The following HS3ST4 variants were observed in gnomAD, a reference collection of about 807,000 sequenced individuals.
HS3ST4 encodes heparan sulfate glucosamine 3-O-sulfotransferase 4.
HS3ST4 carries 17 observed loss-of-function variants against 29.2 expected under a neutral mutation model. That is an observed-to-expected ratio of 0.58 (90% CI 0.40 to 0.87). HS3ST4 has a LOEUF of 0.87. Ranked by LOEUF, HS3ST4 falls within the 40% of genes least tolerant of loss-of-function variation. The pLI is 0.00. For synonymous variants in HS3ST4, 314 were observed against 285.7 expected, an observed-to-expected ratio of 1.10 and a Z score of -1.00; for missense variants, 627 against 634.5, an observed-to-expected ratio of 0.99 and a Z score of 0.13.
At chr16:26,083,557 A>G (rs1051448805) in intron 1 of HS3ST4, among the ~76,000 whole-genome samples, 36 of 152,188 alleles carry the variant, frequency 2.4e-4, no homozygotes, top group African/African-American at 8.7e-4. Context: ...CAGCTACTCA[A>G]TTCTTCTGGT....
At chr16:25,968,968 T>G (rs1968871022) in intron 1 of HS3ST4, among the ~76,000 whole-genome samples, 1 of 152,116 alleles carries the variant, frequency 6.6e-6, no homozygotes, top group Non-Finnish European at 1.5e-5. Context: ...TACAGGTGCA[T>G]GCCAAGACAT....
chr16:25,767,241 G>A (rs769807296), intron 1 of HS3ST4, among the ~76,000 whole-genome samples: 33 of 152,152 alleles, frequency 2.2e-4, no homozygotes, highest in Non-Finnish European at 4.0e-4. Context: ...CTGCATGGTC[G>A]TACTAAAGAA....
chr16:25,922,697 A>T (rs1334914343), intron 1 of HS3ST4, among the ~76,000 whole-genome samples: 1 of 152,250 alleles, frequency 6.6e-6, no homozygotes, highest in African/African-American at 2.4e-5. Flanking sequence ...CCATATGCTT[A>T]CACTAGTCTT....
At chr16:25,872,836 T>C (rs2141660037) in intron 1 of HS3ST4, among the ~76,000 whole-genome samples, 1 of 152,264 alleles carries the variant, frequency 6.6e-6, no homozygotes, top group South Asian at 2.1e-4. Flanking sequence ...TGGTCATTTC[T>C]GCAACATACT....
chr16:25,902,384 T>A (rs1968127828), intron 1 of HS3ST4, among the ~76,000 whole-genome samples: 1 of 152,038 alleles, frequency 6.6e-6, no homozygotes, highest in Non-Finnish European at 1.5e-5. Flanking sequence ...TGGTCTCAGC[T>A]ACTCTGGAGG....
At chr16:26,122,703 A>C (rs1483268213) in intron 1 of HS3ST4, among the ~76,000 whole-genome samples, 1 of 152,166 alleles carries the variant, frequency 6.6e-6, no homozygotes, top group Non-Finnish European at 1.5e-5. Flanking sequence ...TGTGAATCAG[A>C]GCCATCATTT....
chr16:25,871,326 T>G (rs1245049058), intron 1 of HS3ST4, among the ~76,000 whole-genome samples: 1 of 152,156 alleles, frequency 6.6e-6, no homozygotes, highest in African/African-American at 2.4e-5. Flanking sequence ...GAGCTGCCCA[T>G]CATTATTCTT....
chr16:25,870,656 G>A (rs774265426), intron 1 of HS3ST4, among the ~76,000 whole-genome samples: 3 of 152,294 alleles, frequency 2.0e-5, no homozygotes, highest in Non-Finnish European at 4.4e-5. Flanking sequence ...AAAGGTATTC[G>A]AAGACATTAA....
At chr16:25,959,448 C>T (rs573440565) in intron 1 of HS3ST4, among the ~76,000 whole-genome samples, 53 of 152,242 alleles carry the variant, frequency 3.5e-4, no homozygotes, top group African/African-American at 1.2e-3. Flanking sequence ...GTCCAGAACC[C>T]GGCATGCAAT....
At chr16:26,058,344 T>C (rs1240141473) in intron 1 of HS3ST4, among the ~76,000 whole-genome samples, 1 of 152,166 alleles carries the variant, frequency 6.6e-6, no homozygotes, top group Non-Finnish European at 1.5e-5. Flanking sequence ...CCCAAAGTGA[T>C]GGTAATATTT....
chr16:25,904,140 ATGGATGG>A (rs1436474212), intron 1 of HS3ST4, among the ~76,000 whole-genome samples: 74 of 113,682 alleles, frequency 6.5e-4, no homozygotes, highest in African/African-American at 3.1e-3. Context: ...GGATGGATGG[ATGGATGG>A]ATGGATGAAT....
chr16:26,103,341 G>A (rs1207926374), intron 1 of HS3ST4, among the ~76,000 whole-genome samples: 1 of 152,060 alleles, frequency 6.6e-6, no homozygotes, highest in Non-Finnish European at 1.5e-5. Flanking sequence ...TGTCTGATGC[G>A]AACACAGGGC....
intron 1 of HS3ST4, among the ~76,000 whole-genome samples, chr16:25,713,952 C>A (rs563837875): frequency 5.9e-5 from 9 of 152,270 alleles, no homozygotes; most frequent in Non-Finnish European, 1.2e-4. Flanking sequence ...GACTCCGTGG[C>A]ATCCCCACCC....
chr16:26,032,810 A>G lies in HS3ST4; in HGVS notation c.735-102802A>G, dbSNP rs1969543732. The G allele has an allele frequency of 9.6e-6, 15 of 1,557,926 alleles. No individual in the cohort carries two copies. In the South Asian group the frequency reaches 1.4e-4, roughly 15 times the overall value. On this transcript the variant is annotated intron_variant, in intron 1 of 1. Coordinates refer to ENST00000331351, the MANE Select transcript of HS3ST4 (RefSeq NM_006040.3). ...ATCCCCTTCAGCCTTTCTCTTGGGCATGGTGGTGGCGGCGACGGCAGCAGG... is the reference window on the plus strand; with the variant it reads ...ATCCCCTTCAGCCTTTCTCTTGGGCGTGGTGGTGGCGGCGACGGCAGCAGG...
rs181291350 is a variant in HS3ST4, at chr16:25,949,626, G to T, written c.735-185986G>T. Among the ~76,000 whole-genome samples, 215 of 152,296 alleles carry T rather than the reference G, an allele frequency of 1.4e-3. 1 individual carries two copies. Among genetic ancestry groups the T allele is most frequent in the African/African-American group, 5.0e-3 (208 of 41,576 alleles). ...ATTATGGCTACAGCATAGACAAGTG[G>T]AGATTTGTGGCCAAGGAGCAAGGTG... On this transcript the variant is annotated intron_variant, in intron 1 of 1. Transcript: ENST00000331351.
chr16:25,997,473 G>A (rs11862119), intron 1 of HS3ST4, among the ~76,000 whole-genome samples: 1,651 of 152,274 alleles, frequency 0.011, 39 homozygotes, highest in African/African-American at 0.038. Context: ...TAACTGAAAA[G>A]TTCAGACTGA....
chr16:26,008,334 AT>A (rs1969276777), intron 1 of HS3ST4, among the ~76,000 whole-genome samples: 1 of 152,152 alleles, frequency 6.6e-6, no homozygotes. Flanking sequence ...TTACTTCATT[AT>A]GTCTGTTTAT....
intron 1 of HS3ST4, among the ~76,000 whole-genome samples, chr16:25,842,722 C>T (rs562755120): frequency 5.0e-4 from 76 of 152,278 alleles, no homozygotes; most frequent in African/African-American, 1.7e-3. Context: ...AGGCTTAGTA[C>T]CCCTTTATAG....
chr16:25,971,652 G>A (rs902979314), intron 1 of HS3ST4, among the ~76,000 whole-genome samples: 1 of 152,326 alleles, frequency 6.6e-6, no homozygotes, highest in Non-Finnish European at 1.5e-5. Context: ...TGGGCAGGGC[G>A]TGGTGGCTCA....
Sources: allele counts gnomAD v4.1 joint callset (sites outside exome capture counted in the v4.1 genomes callset), GRCh38; gene constraint gnomAD v4.1.1; transcripts MANE v1.5; gene names NCBI Gene and HGNC (gene_info 2026-07-23, HGNC 2026-07-21).